PLCG2: variants seen among roughly 807,000 people sequenced by gnomAD.
PLCG2 encodes phospholipase C gamma 2.
A neutral mutation model predicts 175.6 loss-of-function variants in PLCG2; 69 were observed. The observed-to-expected ratio is 0.39, with a 90% CI of 0.32 to 0.48. The LOEUF is 0.48. Ranked by LOEUF, PLCG2 falls within the 20% of genes least tolerant of loss-of-function variation. PLCG2 has a pLI of 0.91. For synonymous variants in PLCG2, 827 were observed against 624.0 expected (o/e 1.33, Z -4.85); for missense variants, 1,798 against 1,650.9 (o/e 1.09, Z -1.54).
intron 1 of PLCG2, among the ~76,000 whole-genome samples, chr16:81,753,011 G>C (rs1019190206): frequency 6.6e-6 from 1 of 152,228 alleles, no homozygotes; most frequent in African/African-American, 2.4e-5. Context: ...CTGGTACACA[G>C]CAAGTGCTTA....
In PLCG2 at chr16:81,940,341, G is replaced by C. The variant is rs115184717; in HGVS notation, c.3481+282G>C. On this transcript the variant is annotated intron_variant, in intron 30 of 32. Transcript: ENST00000564138. Reference sequence around the variant, plus strand: ...TGGCACTGCAGTTTGATTTCATTTTGAAATATTACATGCGGTTTGCTTCTC... The same window carrying C: ...TGGCACTGCAGTTTGATTTCATTTTCAAATATTACATGCGGTTTGCTTCTC... 8.9e-3 allele frequency among the ~76,000 whole-genome samples: 1,361 copies of C among 152,202 alleles called. 20 individuals carry two copies. The highest frequency in any genetic ancestry group is 0.031 in the African/African-American group (1,306 of 41,508).
At chr16:81,929,184 G>A (rs930381882) in intron 24 of PLCG2, among the ~76,000 whole-genome samples, 14 of 152,190 alleles carry the variant, frequency 9.2e-5, no homozygotes, top group Non-Finnish European at 1.9e-4. Flanking sequence ...GGTCTGATGT[G>A]TGCTGGGTTT....
chr16:81,840,868 C>G (rs1343428849), intron 2 of PLCG2, among the ~76,000 whole-genome samples: 2 of 152,180 alleles, frequency 1.3e-5, no homozygotes, highest in African/African-American at 2.4e-5. Context: ...CCAGCTAGAA[C>G]AAGATGAAGA....
At chr16:81,907,919 C>T in intron 16 of PLCG2, 145 bp downstream of exon 16, 1 of 607,976 alleles carries the variant, frequency 1.6e-6, no homozygotes, top group Non-Finnish European at 2.9e-6. Flanking sequence ...ACTCTGGGTA[C>T]CATGTCCTGG....
chr16:81,767,211 C>G (rs1567453690), intron 2 of PLCG2, among the ~76,000 whole-genome samples: 1 of 126,762 alleles, frequency 7.9e-6, no homozygotes, highest in Non-Finnish European at 1.6e-5. Context: ...GTGGTGCAAT[C>G]TCGGCTCACT....
At chr16:81,887,596 G>A (rs62043997) in intron 9 of PLCG2, among the ~76,000 whole-genome samples, 21,279 of 152,112 alleles carry the variant, frequency 0.14, 1,836 homozygotes, top group Non-Finnish European at 0.2. Context: ...ACCCATGCAT[G>A]TCACCAGCCT....
At chr16:81,769,341 C>T (rs1489402361) in intron 2 of PLCG2, among the ~76,000 whole-genome samples, 1 of 152,190 alleles carries the variant, frequency 6.6e-6, no homozygotes, top group Non-Finnish European at 1.5e-5. Flanking sequence ...GCACTGGTGC[C>T]CATACTAGAG....
intron 2 of PLCG2, among the ~76,000 whole-genome samples, chr16:81,758,919 C>G (rs1485281168): frequency 6.6e-6 from 1 of 152,194 alleles, no homozygotes; most frequent in Non-Finnish European, 1.5e-5. Flanking sequence ...CTCAGGTGAT[C>G]CACCTGCCTC....
At chr16:81,935,742 A>C (rs1009691748) in intron 26 of PLCG2, 2 of 984,990 alleles carry the variant, frequency 2.0e-6, no homozygotes, top group Non-Finnish European at 2.4e-6. Flanking sequence ...CCACATTGCA[A>C]CCCTACCTGT....
intron 2 of PLCG2, among the ~76,000 whole-genome samples, chr16:81,759,002 CT>C (rs1172112964): frequency 1.3e-5 from 2 of 152,148 alleles, no homozygotes; most frequent in African/African-American, 4.8e-5. Flanking sequence ...TAAATTTAGC[CT>C]TTCTAGCAGG....
At chr16:81,744,920 C>T (rs905140716) in intron 1 of PLCG2, among the ~76,000 whole-genome samples, 1 of 152,134 alleles carries the variant, frequency 6.6e-6, no homozygotes, top group South Asian at 2.1e-4. Flanking sequence ...GGCCAACAGG[C>T]TGGATGCTGC....
At chr16:81,879,834 T>G (rs1907991525) in intron 7 of PLCG2, among the ~76,000 whole-genome samples, 1 of 152,112 alleles carries the variant, frequency 6.6e-6, no homozygotes, top group African/African-American at 2.4e-5. Flanking sequence ...GCGCCCCCCT[T>G]GGTGGAAGAG....
rs757806779 is a variant in PLCG2, at chr16:81,931,552, G to C, written c.2637G>C (p.Lys879Asn). The C allele has an allele frequency of 3.1e-6, 5 of 1,613,978 alleles. No individual in the cohort carries two copies. The highest frequency in any genetic ancestry group is 8.5e-7 in the Non-Finnish European group (1 of 1,179,980). ...QKSFVFILEP[K>N]QQGDPPVEFA... ...CCTTTGTCTTCATCCTGGAGCCCAA[G>C]CAGCAGGGCGATCCTCCGGTGGAGT... Residue 879 changes from lysine to asparagine, a missense_variant, in exon 25 of 33, where the codon AAG (lysine) becomes AAC (asparagine). Lys to Asn is a moderately conservative substitution (Grantham distance 94, BLOSUM62 0). Coordinates refer to ENST00000564138, the MANE Select transcript of PLCG2 (RefSeq NM_002661.5).
At chr16:81,931,791 G>A (rs1910513426) in intron 25 of PLCG2, 137 bp downstream of exon 25, 4 of 710,784 alleles carry the variant, frequency 5.6e-6, no homozygotes, top group Middle Eastern at 4.0e-4. Flanking sequence ...GAGACCAGGT[G>A]GATTCAGACA....
chr16:81,823,692 A>ATTT (rs546942391), intron 2 of PLCG2, among the ~76,000 whole-genome samples: 149 of 144,884 alleles, frequency 1.0e-3, no homozygotes, highest in East Asian at 2.3e-3. Flanking sequence ...TGCCCAGCTA[A>ATTT]TTTTTTTTTT....
intron 15 of PLCG2, chr16:81,906,401 T>G (rs1305686472): frequency 6.6e-6 from 1 of 152,194 alleles, no homozygotes; most frequent in Non-Finnish European, 1.5e-5. Flanking sequence ...AGATATAACA[T>G]ACATATCAAA....
At chr16:81,946,038 AAAGTCAGCCCCCAGCATGGGGCACT>A in intron 30 of PLCG2, 112 bp from the exon 31 acceptor site, 1 of 694,258 alleles carries the variant, frequency 1.4e-6, no homozygotes, top group Non-Finnish European at 2.6e-6. Context: ...TGGCTTCCAC[AAAGTCAGCCCCCAGCATGGGGCACT>A]GACTTCTCTA....
chr16:81,782,689 A>G (rs1284002301), intron 1 of PLCG2, among the ~76,000 whole-genome samples: 1 of 151,876 alleles, frequency 6.6e-6, no homozygotes, highest in Non-Finnish European at 1.5e-5. Flanking sequence ...AAATCAAGGA[A>G]GTTTTTCTCT....
At chr16:81,836,640 C>T (rs1905532636) in intron 2 of PLCG2, among the ~76,000 whole-genome samples, 1 of 152,156 alleles carries the variant, frequency 6.6e-6, no homozygotes, top group African/African-American at 2.4e-5. Flanking sequence ...CCTTAGGAGA[C>T]TGAGGCAGGA....
Sources: allele counts gnomAD v4.1 joint callset (sites outside exome capture counted in the v4.1 genomes callset), GRCh38; gene constraint gnomAD v4.1.1; transcripts MANE v1.5; gene names NCBI Gene and HGNC (gene_info 2026-07-23, HGNC 2026-07-21).